The following PLPP1 variants were observed in gnomAD, a reference collection of about 807,000 sequenced individuals.
PLPP1 encodes the protein phospholipid phosphatase 1, also known as lipid phosphate phosphohydrolase 1a.
PLPP1 carries 24 observed loss-of-function variants against 31.2 expected under a neutral mutation model. The ratio of observed to expected loss-of-function variants is 0.77; its 90% CI spans 0.56 to 1.08. The LOEUF (loss-of-function observed/expected upper bound fraction) is 1.08, where lower values mean the gene tolerates loss of function less well. Ranked by LOEUF, PLPP1 falls within the 50% of genes least tolerant of loss-of-function variation. The pLI is 0.00. For synonymous variants in PLPP1, 146 were observed against 126.3 expected (o/e 1.16, Z -1.05); for missense variants, 319 against 342.7 (o/e 0.93, Z 0.55).
chr5:55,477,086 A>AG (rs1752566960), intron 1 of PLPP1, among the ~76,000 whole-genome samples: 1 of 151,956 alleles, frequency 6.6e-6, no homozygotes, highest in African/African-American at 2.4e-5. Context: ...ACTGACACTT[A>AG]TACTGGCCTT....
Position 55,427,183 on chromosome 5 carries a change from C to T in PLPP1, c.550-1144G>A, listed in dbSNP as rs117510314. Among the ~76,000 whole-genome samples the T allele has an allele frequency of 9.2e-5, 14 of 152,074 alleles. No individual in the cohort carries two copies. The East Asian group carries it at 2.7e-3, about 29-fold the overall frequency. Reference sequence around the variant, plus strand: ...AAATTCTGTTCAATAATATATGACTCGTAGACTAAATTAAATGCAGTCCTT... The same window carrying T: ...AAATTCTGTTCAATAATATATGACTTGTAGACTAAATTAAATGCAGTCCTT... On this transcript the variant is annotated intron_variant, in intron 4 of 5. Transcript: ENST00000307259.
intron 4 of PLPP1, 121 bp from the exon 5 acceptor site, chr5:55,426,160 T>C (rs1187017902): frequency 1.2e-6 from 1 of 840,970 alleles, no homozygotes; most frequent in Non-Finnish European, 1.8e-6. Flanking sequence ...ACAGGACTTC[T>C]AGGCAAACAT....
chr5:55,437,385 T>C (rs529160944), intron 4 of PLPP1, among the ~76,000 whole-genome samples: 4 of 150,666 alleles, frequency 2.7e-5, no homozygotes, highest in African/African-American at 7.3e-5. Context: ...AAGTAAGAAC[T>C]TTTTTTTTTC....
At chr5:55,451,120 G>A (rs1579932112) in intron 3 of PLPP1, among the ~76,000 whole-genome samples, 1 of 152,086 alleles carries the variant, frequency 6.6e-6, no homozygotes, top group African/African-American at 2.4e-5. Context: ...GGTGACTAGG[G>A]TCAAGAAAGA....
rs1752908524 is a variant in PLPP1 at position 55,492,179 on chromosome 5, A to G, written c.59-16729T>C. On this transcript the variant is annotated intron_variant, in intron 1 of 5. Coordinates refer to ENST00000307259, the MANE Select transcript of PLPP1 (RefSeq NM_003711.4). ...TTTGTTTTATACAAACTCACTCACT[A>G]TATGCGCAATACTAAGCCATACTTA... is the stretch of plus-strand genomic sequence containing the variant. Among the ~76,000 whole-genome samples the G allele has an allele frequency of 2.0e-5, 3 of 152,308 alleles. No individual in the cohort carries two copies. The South Asian group carries it at 6.2e-4, about 32-fold the overall frequency.
chr5:55,459,876 A>C (rs1752113024), intron 3 of PLPP1, among the ~76,000 whole-genome samples: 1 of 152,168 alleles, frequency 6.6e-6, no homozygotes, highest in African/African-American at 2.4e-5. Context: ...CAGCCTACTC[A>C]GTGAAGAAAA....
intron 3 of PLPP1, among the ~76,000 whole-genome samples, chr5:55,442,786 A>G (rs1187714504): frequency 6.6e-6 from 1 of 152,192 alleles, no homozygotes; most frequent in Non-Finnish European, 1.5e-5. Context: ...TAAAAATGAC[A>G]GAATGCTTAC....
At chr5:55,507,889 A>C in intron 1 of PLPP1, among the ~76,000 whole-genome samples, 1 of 148,530 alleles carries the variant, frequency 6.7e-6, no homozygotes. Flanking sequence ...CAAGAGTCTC[A>C]CTCTGTTGCC....
rs757859188 is a variant in PLPP1 at position 55,425,872 on chromosome 5, T to G, written c.717A>C (p.Ala239=). The change falls in exon 5 of 6, where the codon GCA becomes GCC. Residue 239 remains alanine, a synonymous_variant. Transcript: ENST00000307259. ...TGACCTGTATACTTACAACTAATATTGCAACCAGAGCTCCCTGAATGAGTC... is the reference window on the plus strand; with the variant it reads ...TGACCTGTATACTTACAACTAATATGGCAACCAGAGCTCCCTGAATGAGTC... ...LTGLIQGALV[A]ILVAVYVSDF... is the part of the protein sequence containing the mutation. 6.2e-7 allele frequency: 1 copy of G among 1,604,946 alleles called. No individual in the cohort carries two copies. Among genetic ancestry groups the G allele is most frequent in the Admixed American group, 1.7e-5 (1 of 57,390 alleles).
At chr5:55,433,523 C>T (rs1482242439) in intron 4 of PLPP1, among the ~76,000 whole-genome samples, 3 of 108,360 alleles carry the variant, frequency 2.8e-5, no homozygotes, top group African/African-American at 7.1e-5. Flanking sequence ...TTTTTTTGAC[C>T]GAGTCTCACT....
chr5:55,460,583 A>G (rs1752133186), intron 3 of PLPP1, among the ~76,000 whole-genome samples: 1 of 152,246 alleles, frequency 6.6e-6, no homozygotes, highest in African/African-American at 2.4e-5. Flanking sequence ...CATGAAATGG[A>G]CAAATCCCTT....
At chr5:55,444,771 G>GTGTGTGTGTGTGTT (rs369243024) in intron 3 of PLPP1, among the ~76,000 whole-genome samples, 1 of 150,806 alleles carries the variant, frequency 6.6e-6, no homozygotes, top group Admixed American at 6.6e-5. Context: ...GTGTGTGTGT[G>GTGTGTGTGTGTGTT]ATGGAGTCTC....
intron 1 of PLPP1, among the ~76,000 whole-genome samples, chr5:55,484,168 C>T (rs963599819): frequency 1.3e-5 from 2 of 152,090 alleles, no homozygotes; most frequent in Non-Finnish European, 2.9e-5. Context: ...GCAAGAAGCC[C>T]CTCATCCTTG....
Position 55,425,095 on chromosome 5 carries a change from C to CAGA in PLPP1, c.*108_*110dup, listed in dbSNP as rs1751136957. On this transcript the variant is annotated 3_prime_UTR_variant, in exon 6 of 6. Coordinates refer to ENST00000307259, the MANE Select transcript of PLPP1 (RefSeq NM_003711.4). ...GTGCATCCAAGAGGCATAGCAGCAG[C>CAGA]AGAAGTCTTTAAAGGCTTGTACACC... 7.3e-7 allele frequency: 1 copy of CAGA among 1,371,192 alleles called. No individual in the cohort carries two copies. Among genetic ancestry groups the CAGA allele is most frequent in the Admixed American group, 2.3e-5 (1 of 43,848 alleles). The allele number at this position is 1,371,192 out of a possible 1,614,324, so 84.9% of individuals were successfully genotyped here.
intron 1 of PLPP1, among the ~76,000 whole-genome samples, chr5:55,523,680 A>G (rs1579985605): frequency 6.6e-6 from 1 of 152,228 alleles, no homozygotes. Context: ...TATTAAAAAT[A>G]CCATTGATAC....
At chr5:55,488,152 CA>C (rs1752812108) in intron 1 of PLPP1, among the ~76,000 whole-genome samples, 1 of 150,878 alleles carries the variant, frequency 6.6e-6, no homozygotes, top group Admixed American at 6.6e-5. Context: ...AGGAATTAAT[CA>C]AAGTTTGATA....
intron 1 of PLPP1, among the ~76,000 whole-genome samples, chr5:55,522,966 C>T (rs148938729): frequency 4.1e-4 from 63 of 152,274 alleles, no homozygotes; most frequent in African/African-American, 6.0e-4. Flanking sequence ...GATCCACCCA[C>T]GTTGGCCTCC....
intron 2 of PLPP1, among the ~76,000 whole-genome samples, chr5:55,471,938 CAGAG>C (rs1752424346): frequency 7.0e-6 from 1 of 143,656 alleles, no homozygotes; most frequent in African/African-American, 2.6e-5. Flanking sequence ...CTGCACAACA[CAGAG>C]AGATAGTTAT....
At position 55,532,697 on chromosome 5, in the gene PLPP1, G is replaced by T. The variant is rs534746135; in HGVS notation, c.58+1875C>A. Among the ~76,000 whole-genome samples the T allele has an allele frequency of 1.3e-4, 20 of 152,256 alleles. No homozygotes were observed. In the South Asian group the frequency reaches 2.1e-3, roughly 16 times the overall value. The stretch of plus-strand genomic sequence containing the variant: ...TGTTCAGTTGGGCGCGGTGGTTGAC[G>T]CCTGTAATCCCAGCACTTTGGGAGG... On this transcript the variant is annotated intron_variant, in intron 1 of 5. Coordinates refer to ENST00000307259, the MANE Select transcript of PLPP1 (RefSeq NM_003711.4).
Sources: allele counts gnomAD v4.1 joint callset (sites outside exome capture counted in the v4.1 genomes callset), GRCh38; gene constraint gnomAD v4.1.1; transcripts MANE v1.5; gene names NCBI Gene and HGNC (gene_info 2026-07-23, HGNC 2026-07-21).